The following CDCA2 variants were observed in gnomAD, a reference collection of about 807,000 sequenced individuals.
The protein encoded by CDCA2 is cell division cycle-associated protein 2.
A neutral mutation model predicts 67.0 loss-of-function variants in CDCA2; 44 were observed. That is an observed-to-expected ratio of 0.66 (90% CI 0.52 to 0.84). The LOEUF is 0.84. Ranked by LOEUF, CDCA2 falls within the 40% of genes least tolerant of loss-of-function variation. CDCA2 has a pLI of 0.00. For missense variants in CDCA2, 1,253 were observed against 1,203.2 expected, an observed-to-expected ratio of 1.04 and a Z score of -0.61; for synonymous variants, 447 against 418.7, an observed-to-expected ratio of 1.07 and a Z score of -0.82.
intron 5 of CDCA2, among the ~76,000 whole-genome samples, chr8:25,466,649 T>C (rs1202496969): frequency 6.6e-6 from 1 of 152,210 alleles, no homozygotes; most frequent in Non-Finnish European, 1.5e-5. Context: ...CAAATCTTGA[T>C]TTTTACAGGA....
intron 13 of CDCA2, among the ~76,000 whole-genome samples, chr8:25,493,408 C>G (rs1804087858): frequency 1.3e-5 from 2 of 151,926 alleles, no homozygotes; most frequent in Non-Finnish European, 2.9e-5. Context: ...ACAGTGAGGG[C>G]AAAGGATTGG....
Position 25,506,869 on chromosome 8 carries a change from C to G in CDCA2, c.2203C>G (p.Gln735Glu). ...DSPKPALTLQQGQEFSAGGQN... is the reference protein window; with the variant it reads ...DSPKPALTLQEGQEFSAGGQN... ...TCCCAAACCTGCTCTGACCCTGCAG[C>G]AGGGTCAAGAATTTTCTGCTGGTGG... is the stretch of plus-strand genomic sequence containing the variant. Residue 735 changes from glutamine (Q) to glutamate (E), a missense_variant, in exon 15 of 15, where the codon CAG (glutamine) becomes GAG (glutamate). Transcript: ENST00000330560. 1 of 1,612,904 alleles carries G rather than the reference C, an allele frequency of 6.2e-7. No homozygotes were observed. The highest frequency in any genetic ancestry group is 8.5e-7 in the Non-Finnish European group (1 of 1,179,670).
intron 13 of CDCA2, among the ~76,000 whole-genome samples, chr8:25,499,252 G>A (rs1804371770): frequency 6.6e-6 from 1 of 150,552 alleles, no homozygotes. Context: ...CTTGATCACC[G>A]TAACCTCTCC....
In CDCA2 at chr8:25,467,804, G is replaced by A. The variant is rs1276575015; in HGVS notation, c.539-413G>A. On this transcript the variant is annotated intron_variant, in intron 5 of 14. Coordinates refer to ENST00000330560, the MANE Select transcript of CDCA2 (RefSeq NM_152562.4). The stretch of plus-strand genomic sequence containing the variant: ...CTTTTCATTGATAATTTAGACTTAA[G>A]CACTAGATTTTACTAAAATTACGAT... Among the ~76,000 whole-genome samples the A allele has an allele frequency of 2.0e-5, 3 of 151,944 alleles. No homozygotes were observed. In the South Asian group the frequency reaches 6.2e-4, roughly 31 times the overall value.
intron 4 of CDCA2, 113 bp from the exon 5 acceptor site, chr8:25,466,062 C>G: frequency 1.1e-6 from 1 of 916,220 alleles, no homozygotes; most frequent in Non-Finnish European, 1.6e-6. Context: ...TACCGCTGAT[C>G]TTCAAAAAGC....
chr8:25,503,650 G>A (rs541875183), intron 14 of CDCA2, 106 bp downstream of exon 14: 63 of 1,131,806 alleles, frequency 5.6e-5, no homozygotes, highest in Non-Finnish European at 6.7e-5. Context: ...TAAAGAGTAC[G>A]TAAATTTTAA....
chr8:25,506,949 A>G lies in CDCA2; in HGVS notation c.2283A>G (p.Ile761Met). ...QFFKISPDLN[I>M]KCERKDDFLG... Reference sequence around the variant, plus strand: ...TTAAAATTTCACCAGATTTAAACATAAAGTGTGAAAGAAAGGATGACTTCT... The same window carrying G: ...TTAAAATTTCACCAGATTTAAACATGAAGTGTGAAAGAAAGGATGACTTCT... The change falls in exon 15 of 15, where the codon ATA (isoleucine) becomes ATG (methionine). Residue 761 changes from isoleucine to methionine, a missense_variant. Transcript: ENST00000330560. 6.2e-7 allele frequency: 1 copy of G among 1,613,886 alleles called. No individual in the cohort carries two copies.
At chr8:25,471,307 G>T (rs1157592962) in intron 7 of CDCA2, among the ~76,000 whole-genome samples, 1 of 152,158 alleles carries the variant, frequency 6.6e-6, no homozygotes, top group Non-Finnish European at 1.5e-5. Context: ...GGGCAAGGTT[G>T]TGAGTTTGTT....
At chr8:25,473,908 G>A (rs184575347) in intron 7 of CDCA2, among the ~76,000 whole-genome samples, 2 of 152,262 alleles carry the variant, frequency 1.3e-5, no homozygotes, top group East Asian at 1.9e-4. Context: ...TTCAAGGAGG[G>A]CAGTACTAAT....
intron 7 of CDCA2, chr8:25,479,682 T>G: frequency 1.9e-6 from 1 of 531,732 alleles, no homozygotes; most frequent in South Asian, 2.1e-5. Flanking sequence ...CAAATCCCCA[T>G]ACCCACTTTA....
intron 6 of CDCA2, among the ~76,000 whole-genome samples, chr8:25,468,892 C>T (rs1803042324): frequency 6.6e-6 from 1 of 152,182 alleles, no homozygotes; most frequent in Admixed American, 6.5e-5. Context: ...TGCTTTCCTT[C>T]TGATGGAAAT....
chr8:25,480,190 C>A, intron 8 of CDCA2, 66 bp downstream of exon 8: 1 of 1,248,626 alleles, frequency 8.0e-7, no homozygotes, highest in Non-Finnish European at 1.1e-6. Context: ...AAGTAATACC[C>A]TTGAAATGTC....
chr8:25,486,541 G>T (rs1803782075), intron 11 of CDCA2, among the ~76,000 whole-genome samples: 2 of 151,960 alleles, frequency 1.3e-5, no homozygotes, highest in South Asian at 4.1e-4. Flanking sequence ...GGTGGCTCAT[G>T]CCTGTAATCC....
chr8:25,481,440 C>G (rs974115715), intron 8 of CDCA2, among the ~76,000 whole-genome samples: 3 of 152,178 alleles, frequency 2.0e-5, no homozygotes, highest in African/African-American at 7.2e-5. Context: ...CCTGTAATCC[C>G]AGCACTTTGG....
intron 4 of CDCA2, among the ~76,000 whole-genome samples, chr8:25,464,579 C>T (rs1160789264): frequency 6.6e-6 from 1 of 152,144 alleles, no homozygotes; most frequent in Non-Finnish European, 1.5e-5. Flanking sequence ...CATTGTTCTC[C>T]TTCTCCAGTA....
At chr8:25,464,849 A>G (rs1419584345) in intron 4 of CDCA2, among the ~76,000 whole-genome samples, 1 of 152,204 alleles carries the variant, frequency 6.6e-6, no homozygotes, top group African/African-American at 2.4e-5. Flanking sequence ...GGATATTTCA[A>G]TGTAAAATGT....
At chr8:25,465,597 G>A (rs1327082215) in intron 4 of CDCA2, among the ~76,000 whole-genome samples, 1 of 152,046 alleles carries the variant, frequency 6.6e-6, no homozygotes, top group African/African-American at 2.4e-5. Flanking sequence ...TTAAGAGAAT[G>A]GCTGGCTTTC....
At chr8:25,458,957 G>T (rs1027843033), upstream of CDCA2, 1 of 152,432 alleles carries the variant, frequency 6.6e-6, no homozygotes, top group Non-Finnish European at 1.5e-5. Flanking sequence ...GAGTTAAAGC[G>T]CTAAGAGAAG....
chr8:25,480,456 A>G (rs1450282956), intron 8 of CDCA2, among the ~76,000 whole-genome samples: 1 of 152,162 alleles, frequency 6.6e-6, no homozygotes, highest in African/African-American at 2.4e-5. Context: ...AGTGATATTA[A>G]TTACTTAATC....
Sources: gnomAD v4.1 joint callset for allele counts (sites outside exome capture counted in the v4.1 genomes callset) on GRCh38, gnomAD v4.1.1 for gene constraint, MANE v1.5 for transcripts, NCBI Gene and HGNC (gene_info 2026-07-23, HGNC 2026-07-21) for gene names.